Variants in DHRSX observed in about 807,000 individuals in gnomAD.
DHRSX encodes the protein polyprenol dehydrogenase.
A neutral mutation model predicts 34.0 loss-of-function variants in DHRSX; 31 were observed. That is an observed-to-expected ratio of 0.91 (90% CI 0.69 to 1.23). The LOEUF (loss-of-function observed/expected upper bound fraction) is 1.23, where lower values mean the gene tolerates loss of function less well. Ranked by LOEUF, DHRSX falls within the 50% of genes most tolerant of loss-of-function variation. The pLI, the probability that DHRSX is intolerant of heterozygous loss-of-function variation, is 0.00. For synonymous variants in DHRSX, 201 were observed against 183.8 expected (o/e 1.09, Z -0.76); for missense variants, 414 against 428.1 (o/e 0.97, Z 0.29).
At chrX:2,484,187 G>A (rs1378316953) in intron 1 of DHRSX, among the ~76,000 whole-genome samples, 1 of 152,126 alleles carries the variant, frequency 6.6e-6, no homozygotes, top group Admixed American at 6.5e-5. Context: ...TGGCCAGGCT[G>A]GTCTTGAACT....
intron 2 of DHRSX, among the ~76,000 whole-genome samples, chrX:2,415,747 T>G (rs1384759886): frequency 6.6e-6 from 1 of 151,190 alleles, no homozygotes; most frequent in Non-Finnish European, 1.5e-5. Flanking sequence ...GACCTCATCA[T>G]AACCTAATTA....
chrX:2,432,674 G>C (rs1213420517), intron 1 of DHRSX, among the ~76,000 whole-genome samples: 1 of 152,164 alleles, frequency 6.6e-6, no homozygotes, highest in East Asian at 1.9e-4. Flanking sequence ...AGACCTCATA[G>C]CATGCATGAG....
intron 3 of DHRSX, among the ~76,000 whole-genome samples, chrX:2,353,078 C>A (rs995789832): frequency 1.4e-4 from 21 of 150,524 alleles, no homozygotes; most frequent in African/African-American, 4.1e-4. Context: ...CTCATCTTTA[C>A]AAAAAAAAAT....
chrX:2,234,568 C>CA (rs2015970918), intron 6 of DHRSX, among the ~76,000 whole-genome samples: 1 of 152,252 alleles, frequency 6.6e-6, no homozygotes, highest in African/African-American at 2.4e-5. Context: ...AAGTGTCTGT[C>CA]AGCAGAGGAC....
chrX:2,490,003 G>T (rs376856091), intron 1 of DHRSX: 1 of 1,613,866 alleles, frequency 6.2e-7, no homozygotes, highest in Admixed American at 1.7e-5. Context: ...TGTTCTCTTC[G>T]GGCACCTCGA....
chrX:2,455,688 C>T (rs931561822), intron 1 of DHRSX, among the ~76,000 whole-genome samples: 31 of 147,210 alleles, frequency 2.1e-4, no homozygotes, highest in Non-Finnish European at 3.9e-4. Flanking sequence ...TTGCAGTGAG[C>T]CGAGATTGTG....
chrX:2,403,329 T>A (rs2043511249), intron 3 of DHRSX, among the ~76,000 whole-genome samples: 1 of 152,198 alleles, frequency 6.6e-6, no homozygotes, highest in East Asian at 1.9e-4. Flanking sequence ...CTTCCCACCC[T>A]CTTACAAGAT....
At chrX:2,261,956 T>C (rs2041369226) in intron 5 of DHRSX, among the ~76,000 whole-genome samples, 1 of 152,182 alleles carries the variant, frequency 6.6e-6, no homozygotes, top group Non-Finnish European at 1.5e-5. Flanking sequence ...CCCCAACCCA[T>C]GCCTTGCCTT....
chrX:2,230,269 A>C (rs1319376658), intron 6 of DHRSX, among the ~76,000 whole-genome samples: 1 of 152,160 alleles, frequency 6.6e-6, no homozygotes, highest in Non-Finnish European at 1.5e-5. Context: ...ACGTGCTCTC[A>C]ACTCCCCAAT....
Position 2,500,853 on chromosome X carries a change from G to A in DHRSX, c.73C>T (p.Leu25=). 1 of 1,153,828 alleles carries A rather than the reference G, an allele frequency of 8.7e-7. No individual in the cohort carries two copies. Among genetic ancestry groups the A allele is most frequent in the South Asian group, 3.0e-5 (1 of 33,136 alleles). 71.5% of individuals were successfully genotyped at this position (1,153,828 alleles called of 1,614,324 possible). A position where few individuals can be genotyped will look rare whatever the true frequency, so the allele number is the denominator to read the frequency against. Residue 25 remains leucine (L), a synonymous_variant, in exon 1 of 7, where the codon CTG becomes TTG. Coordinates refer to ENST00000334651, the MANE Select transcript of DHRSX (RefSeq NM_145177.3). ...AAGCCCCCGCGGCAGCGCCGCAGCA[G>A]CTGCGCCAGGATCACCGCGGCGCCT... ...AVGAAVILAQ[L]LRRCRGGFLE...
At chrX:2,424,624 T>C (rs1196964973) in intron 2 of DHRSX, among the ~76,000 whole-genome samples, 2 of 152,192 alleles carry the variant, frequency 1.3e-5, no homozygotes, top group Non-Finnish European at 2.9e-5. Flanking sequence ...CATAAAGATA[T>C]ATGGTTATTT....
chrX:2,484,074 C>T (rs1450521113), intron 1 of DHRSX, among the ~76,000 whole-genome samples: 2 of 152,222 alleles, frequency 1.3e-5, no homozygotes, highest in Non-Finnish European at 2.9e-5. Flanking sequence ...CTCCCTGGTT[C>T]ACGCGATTCT....
chrX:2,269,037 A>G (rs917133753), intron 4 of DHRSX, among the ~76,000 whole-genome samples: 1 of 152,180 alleles, frequency 6.6e-6, no homozygotes, highest in Admixed American at 6.5e-5. Context: ...ATATTTGTAG[A>G]TCTATTTCTG....
At chrX:2,364,825 T>C (rs2042978793) in intron 3 of DHRSX, among the ~76,000 whole-genome samples, 1 of 152,220 alleles carries the variant, frequency 6.6e-6, no homozygotes, top group Non-Finnish European at 1.5e-5. Flanking sequence ...TGACCATCGA[T>C]CATTTATCTA....
At chrX:2,418,005 A>G (rs2043717989) in intron 2 of DHRSX, among the ~76,000 whole-genome samples, 1 of 151,494 alleles carries the variant, frequency 6.6e-6, no homozygotes, top group African/African-American at 2.4e-5. Flanking sequence ...CTAGACCTCA[A>G]TGTGACCTAA....
chrX:2,478,987 G>A (rs2044726233), intron 1 of DHRSX, among the ~76,000 whole-genome samples: 2 of 151,676 alleles, frequency 1.3e-5, no homozygotes, highest in Admixed American at 1.3e-4. Flanking sequence ...CCCTAGGCAT[G>A]GGGCCAAGGG....
chrX:2,401,950 CG>C (rs1337492565), intron 3 of DHRSX, among the ~76,000 whole-genome samples: 2 of 152,188 alleles, frequency 1.3e-5, no homozygotes, highest in Non-Finnish European at 2.9e-5. Context: ...TCTGTGGGCA[CG>C]TAGCTTCCCA....
At chrX:2,360,541 C>T (rs1191200867) in intron 3 of DHRSX, among the ~76,000 whole-genome samples, 1 of 152,086 alleles carries the variant, frequency 6.6e-6, no homozygotes, top group Non-Finnish European at 1.5e-5. Flanking sequence ...CAAGATCGCG[C>T]CACTGCACTC....
At chrX:2,264,446 G>C (rs1479622175) in intron 5 of DHRSX, among the ~76,000 whole-genome samples, 1 of 151,682 alleles carries the variant, frequency 6.6e-6, no homozygotes, top group African/African-American at 2.4e-5. Context: ...ACTGTGCCCA[G>C]AGCACCTGTG....
Sources: gnomAD v4.1 joint callset for allele counts (sites outside exome capture counted in the v4.1 genomes callset) on GRCh38, gnomAD v4.1.1 for gene constraint, MANE v1.5 for transcripts, NCBI Gene and HGNC (gene_info 2026-07-23, HGNC 2026-07-21) for gene names.